Variants in FBXL14 observed in about 807,000 individuals in gnomAD.
The protein encoded by FBXL14 is F-box and leucine rich repeat protein 14.
Under a neutral mutation model 24.5 loss-of-function variants are expected in FBXL14, and 11 were observed. The observed-to-expected ratio is 0.45, with a 90% CI of 0.28 to 0.74. The LOEUF is 0.74. FBXL14 is among the 30% of genes least tolerant of loss of function. FBXL14 has a pLI of 0.12. For synonymous variants in FBXL14, 294 were observed against 240.4 expected, an observed-to-expected ratio of 1.22 and a Z score of -2.06; for missense variants, 384 against 545.6, an observed-to-expected ratio of 0.70 and a Z score of 2.95.
intron 1 of FBXL14, among the ~76,000 whole-genome samples, chr12:1,576,466 C>T (rs575984941): frequency 2.6e-5 from 4 of 152,270 alleles, no homozygotes; most frequent in East Asian, 1.9e-4. Flanking sequence ...AGCTACTGCT[C>T]GGGGACTGAG....
At chr12:1,581,770 G>T (rs2094466776) in intron 1 of FBXL14, among the ~76,000 whole-genome samples, 1 of 152,180 alleles carries the variant, frequency 6.6e-6, no homozygotes, top group South Asian at 2.1e-4. Flanking sequence ...CAAGAGATTT[G>T]TCTAGAGTCA....
chr12:1,575,759 A>C lies in FBXL14; in HGVS notation c.1195-8949T>G, dbSNP rs573547086. On this transcript the variant is annotated intron_variant, in intron 1 of 1. Transcript: ENST00000339235. ...GTTTCTCGGTAGGAAAATAGTGTGG[A>C]GTGTGTGCAATCATGTTTGAGGAAG... Among the ~76,000 whole-genome samples, 8 of 151,562 alleles carry C rather than the reference A, an allele frequency of 5.3e-5. No homozygotes were observed. The East Asian group carries it at 1.6e-3, about 29-fold the overall frequency.
intron 1 of FBXL14, among the ~76,000 whole-genome samples, chr12:1,571,737 A>G (rs537974541): frequency 2.0e-5 from 3 of 152,326 alleles, no homozygotes; most frequent in Middle Eastern, 3.4e-3. Flanking sequence ...GGTTACTGCA[A>G]GATTGTCCCT....
rs1178122274 is a variant in FBXL14 at position 1,593,773 on chromosome 12, G to A, written c.294C>T (p.Ser98=). 1.9e-6 allele frequency: 3 copies of A among 1,614,202 alleles called. No homozygotes were observed. The highest frequency in any genetic ancestry group is 1.7e-5 in the Admixed American group (1 of 60,034). Residue 98 remains serine, a synonymous_variant, in exon 1 of 2, where the codon AGC becomes AGT. Transcript: ENST00000339235. This position sits in a 1 kb window ranked among gnomAD's most constrained non-coding sequence, Gnocchi z 7.4. ...CGTTGTCGGTGAGGTTGTAGCAGCC[G>A]CTGAGGTTGAGGCTCTCGATGTTGG... ...GMANIESLNL[S]GCYNLTDNGL...
Position 1,592,781 on chromosome 12 carries a change from C to CGTGTGCGT in FBXL14, c.1194+91_1194+92insACGCACAC. 11 of 1,099,554 alleles carry CGTGTGCGT rather than the reference C, an allele frequency of 1.0e-5. No homozygotes were observed. The South Asian group carries it at 1.6e-4, about 16-fold the overall frequency. 68.1% of individuals were successfully genotyped at this position (1,099,554 alleles called of 1,614,324 possible). On this transcript the variant is annotated intron_variant, in intron 1 of 1. Coordinates refer to ENST00000339235, the MANE Select transcript of FBXL14 (RefSeq NM_152441.3). The stretch of plus-strand genomic sequence containing the variant: ...ATCTCATCCGCTGCAATGATCTGTG[C>CGTGTGCGT]GTAAGTGTGCGTGTGAGTGTGTGGG...
chr12:1,581,863 G>T (rs533775469), intron 1 of FBXL14, among the ~76,000 whole-genome samples: 47 of 152,320 alleles, frequency 3.1e-4, no homozygotes, highest in African/African-American at 1.1e-3. Flanking sequence ...GGTGACTCAC[G>T]TGTGTAATCC....
intron 1 of FBXL14, among the ~76,000 whole-genome samples, chr12:1,577,019 G>A (rs1413609258): frequency 6.6e-6 from 1 of 152,206 alleles, no homozygotes; most frequent in Admixed American, 6.5e-5. Context: ...CGTCTTAGCT[G>A]TGTTACTGAT....
chr12:1,586,729 A>C (rs1388292487), intron 1 of FBXL14, among the ~76,000 whole-genome samples: 4 of 152,192 alleles, frequency 2.6e-5, no homozygotes, highest in Non-Finnish European at 5.9e-5. Context: ...GGGAAAACAA[A>C]AATGTTGAGA....
intron 1 of FBXL14, among the ~76,000 whole-genome samples, chr12:1,575,899 G>A (rs2094454974): frequency 6.6e-6 from 1 of 152,188 alleles, no homozygotes; most frequent in Admixed American, 6.5e-5. Context: ...AGGATCTTCA[G>A]TAGAAAGGTC....
chr12:1,575,215 C>G lies in FBXL14; in HGVS notation c.1195-8405G>C, dbSNP rs539835565. ...ATAAAAATAAAGATCCCCTACAGCT[C>G]CATCCTCCTTTGCTCACTGGGTTTG... On this transcript the variant is annotated intron_variant, in intron 1 of 1. Coordinates refer to ENST00000339235, the MANE Select transcript of FBXL14 (RefSeq NM_152441.3). Among the ~76,000 whole-genome samples, 3 of 152,310 alleles carry G rather than the reference C, an allele frequency of 2.0e-5. No individual in the cohort carries two copies. The East Asian group carries it at 5.8e-4, about 29-fold the overall frequency.
intron 1 of FBXL14, among the ~76,000 whole-genome samples, chr12:1,575,446 C>G (rs2094453998): frequency 3.3e-5 from 5 of 152,122 alleles, no homozygotes; most frequent in Admixed American, 3.3e-4. Flanking sequence ...TTTTGCATCC[C>G]TGGGGTTAAT....
chr12:1,591,095 A>C (rs374673217), intron 1 of FBXL14, among the ~76,000 whole-genome samples: 8 of 152,338 alleles, frequency 5.3e-5, no homozygotes, highest in South Asian at 2.1e-4. Flanking sequence ...AATTTCTTTA[A>C]ATTTCCACGT....
At chr12:1,572,785 C>T (rs2094447581) in intron 1 of FBXL14, among the ~76,000 whole-genome samples, 2 of 139,814 alleles carry the variant, frequency 1.4e-5, no homozygotes, top group South Asian at 4.4e-4. Flanking sequence ...AAAAATCACT[C>T]CTGGGACCTG....
chr12:1,570,049 G>A (rs10848522), intron 1 of FBXL14, among the ~76,000 whole-genome samples: 56,598 of 152,142 alleles, frequency 0.37, 11,389 homozygotes, highest in African/African-American at 0.53. Context: ...TTGCATGGAA[G>A]AGGGGTTTTT....
chr12:1,569,176 C>T lies in FBXL14; in HGVS notation c.1195-2366G>A, dbSNP rs1565580594. On this transcript the variant is annotated intron_variant, in intron 1 of 1. Transcript: ENST00000339235. This position sits in a 1 kb window ranked among gnomAD's most constrained non-coding sequence, Gnocchi z 4.2. ...TATATAATCAATGCTTGTTTTGCTT[C>T]TCTTTTTTCTCCTTTTCATTTTCCT... 6.6e-6 allele frequency among the ~76,000 whole-genome samples: 1 copy of T among 152,076 alleles called. No individual in the cohort carries two copies. The highest frequency in any genetic ancestry group is 2.4e-5 in the African/African-American group (1 of 41,408).
Position 1,579,374 on chromosome 12 carries a change from G to A in FBXL14, c.1195-12564C>T, listed in dbSNP as rs2094461916. Among the ~76,000 whole-genome samples the A allele has an allele frequency of 6.6e-6, 1 of 152,108 alleles. No individual in the cohort carries two copies. The highest frequency in any genetic ancestry group is 2.4e-5 in the African/African-American group (1 of 41,428). On this transcript the variant is annotated intron_variant, in intron 1 of 1. Transcript: ENST00000339235. This position sits in a 1 kb window ranked among gnomAD's most constrained non-coding sequence, Gnocchi z 4.3. ...CTCACGCCTGTAATCCCAGCACTTT[G>A]GGAGGCTGAGGTGGGTGGATCACCT...
At chr12:1,573,496 T>C (rs1201025844) in intron 1 of FBXL14, among the ~76,000 whole-genome samples, 1 of 152,126 alleles carries the variant, frequency 6.6e-6, no homozygotes, top group Non-Finnish European at 1.5e-5. Context: ...AGGGGGTCCT[T>C]CTAGGGACAG....
Position 1,569,674 on chromosome 12 carries a change from A to G in FBXL14, c.1195-2864T>C, listed in dbSNP as rs916446950. 1.3e-5 allele frequency among the ~76,000 whole-genome samples: 2 copies of G among 152,252 alleles called. No individual in the cohort carries two copies. The highest frequency in any genetic ancestry group is 1.3e-4 in the Admixed American group (2 of 15,286). ...CTCGGCCTCCCAGAGTGCTGGGATT[A>G]CAGGCGTGAGCCACCGCTCCCGGCA... On this transcript the variant is annotated intron_variant, in intron 1 of 1. Transcript: ENST00000339235. This position sits in a 1 kb window ranked among gnomAD's most constrained non-coding sequence, Gnocchi z 4.2.
At chr12:1,584,102 T>C (rs1049404484) in intron 1 of FBXL14, among the ~76,000 whole-genome samples, 11 of 152,014 alleles carry the variant, frequency 7.2e-5, no homozygotes, top group African/African-American at 2.7e-4. Flanking sequence ...CTCAGCACTT[T>C]GGGAGGCCGA....
Sources: allele counts gnomAD v4.1 joint callset (sites outside exome capture counted in the v4.1 genomes callset), GRCh38; gene constraint gnomAD v4.1.1; non-coding constraint Gnocchi (gnomAD v3.1); transcripts MANE v1.5; gene names NCBI Gene and HGNC (gene_info 2026-07-23, HGNC 2026-07-21).